The following C19orf47 variants were observed in gnomAD, a reference collection of about 807,000 sequenced individuals.
C19orf47 encodes the protein uncharacterized protein C19orf47.
In C19orf47, 18 loss-of-function variants were observed where a neutral mutation model predicts 32.3. That is an observed-to-expected ratio of 0.56 (90% CI 0.39 to 0.83). C19orf47 has a LOEUF of 0.83. Ranked by LOEUF, C19orf47 falls within the 40% of genes least tolerant of loss-of-function variation. C19orf47 has a pLI of 0.00. For missense variants in C19orf47, 484 were observed against 531.6 expected (o/e 0.91, Z 0.88); for synonymous variants, 202 against 211.1 (o/e 0.96, Z 0.37).
At position 40,334,094 on chromosome 19, in the gene C19orf47, T is replaced by C. The variant is rs117520041; in HGVS notation, c.223-165A>G. On this transcript the variant is annotated intron_variant, in intron 4 of 8. Coordinates refer to ENST00000683109, the MANE Select transcript of C19orf47 (RefSeq NM_001256441.2). ...CAGATACCTCCAAACTGAGGGACAC[T>C]CTATAAAATATCTGACCAGTATATT... 1.5e-4 allele frequency among the ~76,000 whole-genome samples: 23 copies of C among 152,322 alleles called. No individual in the cohort carries two copies. In the East Asian group the frequency reaches 4.4e-3, roughly 29 times the overall value.
intron 2 of C19orf47, among the ~76,000 whole-genome samples, chr19:40,337,125 G>A (rs767994641): frequency 2.6e-5 from 4 of 151,954 alleles, no homozygotes; most frequent in Non-Finnish European, 4.4e-5. Flanking sequence ...TACACACGGG[G>A]GATACCACAA....
At chr19:40,341,914 C>T (rs899350316) in intron 1 of C19orf47, 24 bp from the exon 2 acceptor site, 3 of 1,535,948 alleles carry the variant, frequency 2.0e-6, no homozygotes, top group African/African-American at 1.4e-5. Context: ...GAGGAGAGAG[C>T]CCATGAGCTG....
chr19:40,314,292 G>A, the C19orf47 span, among the ~76,000 whole-genome samples: 3 of 152,074 alleles, frequency 2.0e-5, no homozygotes, highest in Non-Finnish European at 2.9e-5. Context: ...GCCAGGCATC[G>A]TGGCATGTGC....
chr19:40,303,194 C>T, the C19orf47 span, among the ~76,000 whole-genome samples: 2 of 150,412 alleles, frequency 1.3e-5, no homozygotes, highest in Non-Finnish European at 3.0e-5. Flanking sequence ...TGCCATTGCA[C>T]TCCAGCCTGG....
At chr19:40,324,097 T>G (rs756851403) in intron 7 of C19orf47, 21 bp from the exon 8 acceptor site, 1 of 1,613,956 alleles carries the variant, frequency 6.2e-7, no homozygotes, top group Non-Finnish European at 8.5e-7. Flanking sequence ...AGTGAAGCCA[T>G]CAGGGAGAGG....
At chr19:40,323,139 C>T (rs1257112490) in intron 8 of C19orf47, among the ~76,000 whole-genome samples, 2 of 152,224 alleles carry the variant, frequency 1.3e-5, no homozygotes, top group Admixed American at 6.5e-5. Context: ...CACATGATCC[C>T]GAGTGTTCCC....
chr19:40,326,638 G>T, intron 6 of C19orf47, 152 bp from the exon 7 acceptor site: 1 of 991,388 alleles, frequency 1.0e-6, no homozygotes, highest in Non-Finnish European at 1.4e-6. Flanking sequence ...CCGAACCACA[G>T]AGAAACTCAG....
downstream of C19orf47, among the ~76,000 whole-genome samples, chr19:40,317,331 T>C (rs1203193473): frequency 6.6e-6 from 1 of 152,176 alleles, no homozygotes. Flanking sequence ...TGGTGGCTCA[T>C]GCCTGTAATC....
the C19orf47 span, among the ~76,000 whole-genome samples, chr19:40,299,741 A>G: frequency 2.0e-5 from 3 of 152,218 alleles, no homozygotes; most frequent in Non-Finnish European, 4.4e-5. Flanking sequence ...AAAGAGAGAC[A>G]TTAGCCAGGC....
chr19:40,321,373 G>T lies in C19orf47; in HGVS notation c.*509C>A. The T allele has an allele frequency of 2.0e-6, 2 of 989,182 alleles. No homozygotes were observed. Among genetic ancestry groups the T allele is most frequent in the Non-Finnish European group, 2.4e-6 (2 of 832,334 alleles). 61.3% of individuals were successfully genotyped at this position (989,182 alleles called of 1,614,324 possible). A position where few individuals can be genotyped will look rare whatever the true frequency, so the allele number is the denominator to read the frequency against. ...GGCCTTGCCACGGGGACAGAAAACA[G>T]AAGAGAAATGAACAAAGTGAAGACA... On this transcript the variant is annotated 3_prime_UTR_variant, in exon 9 of 9. Coordinates refer to ENST00000683109, the MANE Select transcript of C19orf47 (RefSeq NM_001256441.2).
downstream of C19orf47, among the ~76,000 whole-genome samples, chr19:40,318,582 A>C (rs1031748335): frequency 6.6e-6 from 1 of 152,206 alleles, no homozygotes; most frequent in Non-Finnish European, 1.5e-5. Flanking sequence ...ATTAGGAAAC[A>C]AAGAAGGCTG....
chr19:40,310,313 G>A, the C19orf47 span, among the ~76,000 whole-genome samples: 4 of 152,172 alleles, frequency 2.6e-5, no homozygotes, highest in African/African-American at 9.7e-5. Flanking sequence ...GAGGCTGGAG[G>A]ATCACTTGAG....
chr19:40,333,808 G>A lies in C19orf47; in HGVS notation c.301+43C>T, dbSNP rs75496366. Reference sequence around the variant, plus strand: ...CAGACGTGTCCCCTTCACTGACAGGGTATAAAAATCAAGGAAAAGAGGCCT... The same window carrying A: ...CAGACGTGTCCCCTTCACTGACAGGATATAAAAATCAAGGAAAAGAGGCCT... On this transcript the variant is annotated intron_variant, in intron 5 of 8. Coordinates refer to ENST00000683109, the MANE Select transcript of C19orf47 (RefSeq NM_001256441.2). The A allele has an allele frequency of 7.0e-5, 102 of 1,463,948 alleles. 1 individual carries two copies. Among genetic ancestry groups the A allele is most frequent in the South Asian group, 1.0e-4 (8 of 77,148 alleles). 90.7% of individuals were successfully genotyped at this position (1,463,948 alleles called of 1,614,324 possible).
the C19orf47 span, among the ~76,000 whole-genome samples, chr19:40,295,865 A>G: frequency 6.6e-6 from 1 of 151,488 alleles, no homozygotes; most frequent in Non-Finnish European, 1.5e-5. Context: ...TCCCACCTCA[A>G]CCTCCCGAGT....
the C19orf47 span, among the ~76,000 whole-genome samples, chr19:40,305,600 T>C: frequency 6.6e-6 from 1 of 152,124 alleles, no homozygotes; most frequent in African/African-American, 2.4e-5. Context: ...ACCATTATAT[T>C]TGAACATTCA....
chr19:40,296,272 C>CTGTTTGTT, the C19orf47 span, among the ~76,000 whole-genome samples: 67 of 151,508 alleles, frequency 4.4e-4, no homozygotes, highest in African/African-American at 1.6e-3. Context: ...TAACACAATG[C>CTGTTTGTT]TGTTTGTTTG....
At chr19:40,298,712 C>T in the C19orf47 span, among the ~76,000 whole-genome samples, 1 of 152,082 alleles carries the variant, frequency 6.6e-6, no homozygotes, top group Admixed American at 6.6e-5. Flanking sequence ...CTATAAGTGA[C>T]TCTGTATGCA....
At chr19:40,323,524 G>A (rs886784023) in intron 8 of C19orf47, among the ~76,000 whole-genome samples, 6 of 152,216 alleles carry the variant, frequency 3.9e-5, no homozygotes, top group Non-Finnish European at 5.9e-5. Context: ...CTTCCAGTGA[G>A]GGGACGGGCC....
chr19:40,338,291 A>ACAC (rs397822565), intron 2 of C19orf47, among the ~76,000 whole-genome samples: 3 of 148,086 alleles, frequency 2.0e-5, no homozygotes, highest in African/African-American at 5.0e-5. Flanking sequence ...ACACACACAC[A>ACAC]AATATATATA....
Sources: gnomAD v4.1 joint callset for allele counts (sites outside exome capture counted in the v4.1 genomes callset) on GRCh38, gnomAD v4.1.1 for gene constraint, MANE v1.5 for transcripts, NCBI Gene and HGNC (gene_info 2026-07-23, HGNC 2026-07-21) for gene names.